CCDC149: variants seen among roughly 807,000 people sequenced by gnomAD.
CCDC149 encodes coiled-coil domain containing 149, also known as coiled-coil domain-containing protein 149.
A neutral mutation model predicts 59.9 loss-of-function variants in CCDC149; 45 were observed. The ratio of observed to expected loss-of-function variants is 0.75; its 90% CI spans 0.59 to 0.96. CCDC149 has a LOEUF of 0.96. CCDC149 is among the 40% of genes least tolerant of loss of function. CCDC149 has a pLI of 0.00. For synonymous variants in CCDC149, 245 were observed against 260.6 expected (o/e 0.94, Z 0.58); for missense variants, 584 against 664.7 (o/e 0.88, Z 1.33).
At chr4:24,832,109 C>A (rs1283302409) in intron 8 of CCDC149, among the ~76,000 whole-genome samples, 1 of 152,146 alleles carries the variant, frequency 6.6e-6, no homozygotes, top group Non-Finnish European at 1.5e-5. Flanking sequence ...CTGTGTGATA[C>A]CCCTGGCAGG....
At chr4:24,847,331 C>T (rs1717353120) in intron 4 of CCDC149, among the ~76,000 whole-genome samples, 1 of 152,150 alleles carries the variant, frequency 6.6e-6, no homozygotes. Flanking sequence ...CATGCAACAC[C>T]CTTTACAAAC....
At chr4:24,871,276 G>C (rs1238371656) in intron 3 of CCDC149, among the ~76,000 whole-genome samples, 1 of 152,136 alleles carries the variant, frequency 6.6e-6, no homozygotes, top group Non-Finnish European at 1.5e-5. Context: ...CTGTTCACCA[G>C]CATAAAAAAG....
At chr4:24,811,410 C>G (rs563291432) in intron 12 of CCDC149, among the ~76,000 whole-genome samples, 1 of 152,110 alleles carries the variant, frequency 6.6e-6, no homozygotes, top group African/African-American at 2.4e-5. Context: ...CATACTTTCC[C>G]ATTGGCCACA....
chr4:24,956,997 C>A (rs1361021226), intron 1 of CCDC149, among the ~76,000 whole-genome samples: 3 of 152,196 alleles, frequency 2.0e-5, no homozygotes, highest in Non-Finnish European at 2.9e-5. Context: ...TGGTACTAAG[C>A]ACATCACAAA....
intron 1 of CCDC149, among the ~76,000 whole-genome samples, chr4:24,963,982 C>T (rs891290714): frequency 2.0e-5 from 3 of 152,068 alleles, no homozygotes; most frequent in African/African-American, 7.2e-5. Context: ...ATGGCTTGAG[C>T]CTAGGAGTTC....
chr4:24,894,647 C>T (rs553024183), intron 1 of CCDC149, among the ~76,000 whole-genome samples: 36 of 151,954 alleles, frequency 2.4e-4, no homozygotes, highest in African/African-American at 8.4e-4. Flanking sequence ...CAAACAAGCA[C>T]CTTAGTATTT....
chr4:24,918,090 A>G (rs1454758942), intron 1 of CCDC149, among the ~76,000 whole-genome samples: 2 of 152,072 alleles, frequency 1.3e-5, no homozygotes, highest in Admixed American at 1.3e-4. Context: ...GATCACCTAC[A>G]TTGCCCTCCT....
chr4:24,963,916 C>A (rs1274842333), intron 1 of CCDC149, among the ~76,000 whole-genome samples: 2 of 152,184 alleles, frequency 1.3e-5, no homozygotes, highest in Admixed American at 6.5e-5. Context: ...AATCCTAGCA[C>A]TTTGGGAGGC....
In CCDC149 at chr4:24,912,865, G is replaced by GGCC. The variant is rs756568795; in HGVS notation, c.12_14dup (p.Ala5dup). 11 of 1,375,892 alleles carry GGCC rather than the reference G, an allele frequency of 8.0e-6. No homozygotes were observed. In the South Asian group the frequency reaches 1.1e-4, roughly 14 times the overall value. 85.2% of individuals were successfully genotyped at this position (1,375,892 alleles called of 1,614,324 possible). On this transcript the variant is annotated inframe_insertion, in exon 1 of 13. Transcript: ENST00000635206. ...CGCTCTCAGTCCGGTCGCCGTTCATGGCCTCCTCCTCCATGCGCTGGCCGG... is the reference window on the plus strand; with the variant it reads ...CGCTCTCAGTCCGGTCGCCGTTCATGGCCGCCTCCTCCTCCATGCGCTGGCCGG...
chr4:24,812,484 C>T (rs573518575), intron 12 of CCDC149, among the ~76,000 whole-genome samples: 6 of 152,320 alleles, frequency 3.9e-5, no homozygotes, highest in African/African-American at 7.2e-5. Flanking sequence ...GGATCCTCTA[C>T]CTGGAAAATC....
intron 1 of CCDC149, among the ~76,000 whole-genome samples, chr4:24,930,457 A>G (rs970535438): frequency 2.0e-5 from 3 of 152,238 alleles, no homozygotes; most frequent in Non-Finnish European, 4.4e-5. Context: ...AGCTAGGATT[A>G]CCTTAACCAG....
rs141934814 is a variant in CCDC149, at chr4:24,950,738, A to C, written c.-65+29331T>G. ...TTATTTTTCATTTACTCATTCATTC[A>C]CGTATTCAATAAACACATTTTTTCC... On this transcript the variant is annotated intron_variant, in intron 1 of 12. Coordinates refer to the CCDC149 transcript ENST00000389609. Among the ~76,000 whole-genome samples, 4 of 152,288 alleles carry C rather than the reference A, an allele frequency of 2.6e-5. No homozygotes were observed. The East Asian group carries it at 7.7e-4, about 29-fold the overall frequency.
chr4:24,878,216 T>TAAAAAAA (rs66494953), intron 1 of CCDC149, among the ~76,000 whole-genome samples: 17 of 125,130 alleles, frequency 1.4e-4, no homozygotes, highest in South Asian at 5.3e-4. Context: ...TTTTTTTTCC[T>TAAAAAAA]AAAAAAAAAA....
intron 1 of CCDC149, among the ~76,000 whole-genome samples, chr4:24,911,579 C>A (rs1486928910): frequency 1.3e-5 from 2 of 152,180 alleles, no homozygotes; most frequent in Non-Finnish European, 2.9e-5. Flanking sequence ...GGATCTGCCC[C>A]TTAACATAAA....
chr4:24,961,635 G>A (rs1209063144), intron 1 of CCDC149, among the ~76,000 whole-genome samples: 1 of 152,132 alleles, frequency 6.6e-6, no homozygotes, highest in African/African-American at 2.4e-5. Flanking sequence ...GAACAGAACA[G>A]AGCCCTCAGA....
At chr4:24,918,676 G>A (rs1722203441) in intron 1 of CCDC149, among the ~76,000 whole-genome samples, 1 of 152,186 alleles carries the variant, frequency 6.6e-6, no homozygotes, top group Non-Finnish European at 1.5e-5. Flanking sequence ...ACTGGTTCCT[G>A]CCTTTGGCCA....
intron 3 of CCDC149, among the ~76,000 whole-genome samples, chr4:24,868,148 C>T (rs971006854): frequency 2.6e-5 from 4 of 152,180 alleles, no homozygotes; most frequent in African/African-American, 9.7e-5. Context: ...CCTCGATCCC[C>T]TTCCTGCTGG....
chr4:24,859,773 A>T lies in CCDC149; in HGVS notation c.265-6594T>A, dbSNP rs1237936893. Among the ~76,000 whole-genome samples the T allele has an allele frequency of 1.3e-5, 2 of 152,234 alleles. 1 individual carries two copies. On this transcript the variant is annotated intron_variant, in intron 3 of 12. Transcript: ENST00000635206. ...GTTTCAGGATACAAAATCAATGTAC[A>T]CAAATCAGTAGCACTGCTATATACC...
intron 8 of CCDC149, 61 bp downstream of exon 8, chr4:24,834,887 G>T: frequency 7.9e-7 from 1 of 1,268,396 alleles, no homozygotes; most frequent in Non-Finnish European, 1.1e-6. Context: ...GATGGGATGT[G>T]GGCTTGCAGC....
Sources: gnomAD v4.1 joint callset for allele counts (sites outside exome capture counted in the v4.1 genomes callset) on GRCh38, gnomAD v4.1.1 for gene constraint, MANE v1.5 for transcripts, NCBI Gene and HGNC (gene_info 2026-07-23, HGNC 2026-07-21) for gene names.